The following BMPR1A variants were observed in gnomAD, a reference collection of about 807,000 sequenced individuals.
BMPR1A encodes bone morphogenetic protein receptor type-1A.
A neutral mutation model predicts 66.0 loss-of-function variants in BMPR1A; 7 were observed. That is an observed-to-expected ratio of 0.11 (90% CI 0.06 to 0.20). The LOEUF is 0.20. Ranked by LOEUF, BMPR1A falls within the 10% of genes least tolerant of loss-of-function variation. The pLI is 1.00. For synonymous variants in BMPR1A, 200 were observed against 229.7 expected (o/e 0.87, Z 1.17); for missense variants, 408 against 669.1 (o/e 0.61, Z 4.31).
intron 8 of BMPR1A, among the ~76,000 whole-genome samples, chr10:86,914,866 A>G (rs1217687054): frequency 6.6e-6 from 1 of 152,202 alleles, no homozygotes; most frequent in East Asian, 1.9e-4. Context: ...TTATTTACCC[A>G]AGAGATATGA....
chr10:86,785,786 A>G (rs956768553), intron 1 of BMPR1A, among the ~76,000 whole-genome samples: 10 of 152,128 alleles, frequency 6.6e-5, no homozygotes, highest in African/African-American at 2.4e-4. Context: ...TTGCCTTGTT[A>G]TATTTGGGTG....
chr10:86,845,714 T>C (rs1049442270), intron 2 of BMPR1A, among the ~76,000 whole-genome samples: 1 of 152,092 alleles, frequency 6.6e-6, no homozygotes, highest in Non-Finnish European at 1.5e-5. Flanking sequence ...AAAAGAAATA[T>C]CTAACAGGTG....
Position 86,866,399 on chromosome 10 carries a change from C to CTTTTTTTTTT in BMPR1A, c.-152-9450_-152-9441dup, listed in dbSNP as rs1048293127. 4.3e-4 allele frequency among the ~76,000 whole-genome samples: 30 copies of CTTTTTTTTTT among 69,452 alleles called. 2 individuals are homozygous for CTTTTTTTTTT. Among genetic ancestry groups the CTTTTTTTTTT allele is most frequent in the East Asian group, 6.5e-4 (1 of 1,542 alleles). The allele number at this position is 69,452 out of a possible 152,430, so 45.6% of individuals were successfully genotyped here. A position where few individuals can be genotyped will look rare whatever the true frequency, so the allele number is the denominator to read the frequency against. ...TGTGTTAAGTTGGGCAAGTTTCTTTCTTTTTTTTTTTTTTTTTTTTTTTTT... is the reference window on the plus strand; with the variant it reads ...TGTGTTAAGTTGGGCAAGTTTCTTTCTTTTTTTTTTTTTTTTTTTTTTTTTTTTTTTTTTT... On this transcript the variant is annotated intron_variant, in intron 2 of 12. Transcript: ENST00000372037.
Position 86,790,215 on chromosome 10 carries a change from A to G in BMPR1A, c.-268+33296A>G, listed in dbSNP as rs1435921237. On this transcript the variant is annotated intron_variant, in intron 1 of 12. Transcript: ENST00000372037. Reference sequence around the variant, plus strand: ...TATATATATATATATATATATATATATATATATATATATATATATATCAAA... The same window carrying G: ...TATATATATATATATATATATATATGTATATATATATATATATATATCAAA... Among the ~76,000 whole-genome samples the G allele has an allele frequency of 3.0e-4, 30 of 99,096 alleles. 5 individuals carry two copies. Among genetic ancestry groups the G allele is most frequent in the South Asian group, 1.1e-3 (3 of 2,654 alleles). 65.0% of individuals were successfully genotyped at this position (99,096 alleles called of 152,430 possible).
intron 7 of BMPR1A, among the ~76,000 whole-genome samples, chr10:86,910,004 A>AC (rs1564721284): frequency 6.6e-6 from 1 of 152,120 alleles, no homozygotes; most frequent in Non-Finnish European, 1.5e-5. Flanking sequence ...TGTATTTCAC[A>AC]CTTGAATGCA....
intron 2 of BMPR1A, among the ~76,000 whole-genome samples, chr10:86,850,293 C>T (rs190307478): frequency 1.2e-3 from 184 of 151,288 alleles, no homozygotes; most frequent in African/African-American, 4.3e-3. Flanking sequence ...CGCACTCCAG[C>T]CTGGGTGACA....
At chr10:86,812,239 A>G (rs968488600) in intron 1 of BMPR1A, among the ~76,000 whole-genome samples, 2 of 152,118 alleles carry the variant, frequency 1.3e-5, no homozygotes, top group Admixed American at 6.5e-5. Flanking sequence ...GAAACCAGCA[A>G]CCTGTTTCCT....
intron 1 of BMPR1A, among the ~76,000 whole-genome samples, chr10:86,768,574 A>C (rs1230363245): frequency 6.6e-6 from 1 of 152,264 alleles, no homozygotes; most frequent in Non-Finnish European, 1.5e-5. Context: ...GAGAGTCAAC[A>C]AAAGAAGTCA....
chr10:86,815,422 GTTCATCAGGGC>G (rs1213418135), intron 1 of BMPR1A, among the ~76,000 whole-genome samples: 4 of 152,114 alleles, frequency 2.6e-5, no homozygotes, highest in Non-Finnish European at 4.4e-5. Flanking sequence ...TCATTTTCAA[GTTCATCAGGGC>G]TTCATCAGGG....
In BMPR1A at chr10:86,919,428, T is replaced by G. The variant is rs1843628424; in HGVS notation, c.1125T>G (p.Ser375Arg). 6.2e-7 allele frequency: 1 copy of G among 1,613,112 alleles called. No individual in the cohort carries two copies. Among genetic ancestry groups the G allele is most frequent in the African/African-American group, 1.3e-5 (1 of 74,844 alleles). ...SKNILIKKNG[S>R]CCIADLGLAV... ...ACATCCTCATCAAGAAAAATGGGAG[T>G]TGCTGCATTGCTGACCTGGGCCTTG... is the stretch of plus-strand genomic sequence containing the variant. The change falls in exon 10 of 13, where the codon AGT (serine) becomes AGG (arginine). Residue 375 changes from serine (S) to arginine (R), a missense_variant. Coordinates refer to ENST00000372037, the MANE Select transcript of BMPR1A (RefSeq NM_004329.3).
At chr10:86,860,769 C>CA (rs772036957) in intron 2 of BMPR1A, among the ~76,000 whole-genome samples, 10,216 of 79,536 alleles carry the variant, frequency 0.13, 488 homozygotes, top group African/African-American at 0.21. Context: ...GACTCCATAT[C>CA]AAAAAAAAAA....
At chr10:86,851,616 T>C (rs1001677028) in intron 2 of BMPR1A, among the ~76,000 whole-genome samples, 5 of 152,134 alleles carry the variant, frequency 3.3e-5, no homozygotes, top group Non-Finnish European at 7.3e-5. Context: ...TGAGTTGGGA[T>C]TGAGGATTGC....
At chr10:86,876,114 T>C (rs1158855362) in intron 3 of BMPR1A, 29 bp downstream of exon 3, 2 of 1,571,154 alleles carry the variant, frequency 1.3e-6, no homozygotes, top group African/African-American at 1.4e-5. Context: ...TAGTAATGTA[T>C]GTGTGTATAT....
chr10:86,924,661 T>C lies in BMPR1A; in HGVS notation c.*942T>C. 4.3e-6 allele frequency: 1 copy of C among 233,236 alleles called. No individual in the cohort carries two copies. The highest frequency in any genetic ancestry group is 8.5e-6 in the Non-Finnish European group (1 of 118,016). 14.4% of individuals were successfully genotyped at this position (233,236 alleles called of 1,614,324 possible). ...AGCAATGTAAGTGCCTATAACCATG[T>C]TCTATATTCTTTATTCTCAGTAACT... On this transcript the variant is annotated 3_prime_UTR_variant, in exon 13 of 13. Coordinates refer to ENST00000372037, the MANE Select transcript of BMPR1A (RefSeq NM_004329.3).
intron 7 of BMPR1A, among the ~76,000 whole-genome samples, chr10:86,904,533 T>C (rs1213620622): frequency 3.3e-5 from 5 of 152,138 alleles, no homozygotes; most frequent in Non-Finnish European, 7.3e-5. Context: ...AATGTGAAGA[T>C]TTCCAGTCAT....
At chr10:86,819,776 C>T (rs4481940) in intron 1 of BMPR1A, among the ~76,000 whole-genome samples, 35,767 of 152,114 alleles carry the variant, frequency 0.24, 5,331 homozygotes, top group East Asian at 0.67. Context: ...TAACAGTCTC[C>T]AGGCATACCA....
In BMPR1A at chr10:86,924,095, C is replaced by T; in HGVS notation, c.*376C>T. 2.6e-6 allele frequency: 1 copy of T among 382,302 alleles called. No homozygotes were observed. The highest frequency in any genetic ancestry group is 4.9e-6 in the Non-Finnish European group (1 of 206,154). The allele number at this position is 382,302 out of a possible 1,614,324, so 23.7% of individuals were successfully genotyped here. On this transcript the variant is annotated 3_prime_UTR_variant, in exon 13 of 13. Coordinates refer to ENST00000372037, the MANE Select transcript of BMPR1A (RefSeq NM_004329.3). ...GCCTTAAGAAGATAAATGAGCGCAG[C>T]AGAGATGGAGAAATAGACTTTGCCT...
intron 2 of BMPR1A, among the ~76,000 whole-genome samples, chr10:86,859,522 C>T (rs1488940744): frequency 1.3e-5 from 2 of 152,008 alleles, no homozygotes; most frequent in Non-Finnish European, 1.5e-5. Context: ...GATTGCTATA[C>T]TTATTGAAAA....
intron 2 of BMPR1A, chr10:86,855,137 G>A (rs1842623138): frequency 2.8e-6 from 1 of 355,148 alleles, no homozygotes; most frequent in African/African-American, 2.1e-5. Context: ...TTCACATCAG[G>A]TCTCGAACTC....
Sources: allele counts gnomAD v4.1 joint callset (sites outside exome capture counted in the v4.1 genomes callset), GRCh38; gene constraint gnomAD v4.1.1; transcripts MANE v1.5; gene names NCBI Gene and HGNC (gene_info 2026-07-23, HGNC 2026-07-21).